Variants in CCL18 observed in about 807,000 individuals in gnomAD.
CCL18 encodes C-C motif chemokine ligand 18, also known as C-C motif chemokine 18.
CCL18 carries 7 observed loss-of-function variants against 8.0 expected under a neutral mutation model. That is an observed-to-expected ratio of 0.87 (90% CI 0.50 to 1.64). CCL18 has a LOEUF of 1.64. Ranked by LOEUF, CCL18 falls within the 40% of genes most tolerant of loss-of-function variation. The pLI, the probability that CCL18 is intolerant of heterozygous loss-of-function variation, is 0.00. For synonymous variants in CCL18, 35 were observed against 41.3 expected, an observed-to-expected ratio of 0.85 and a Z score of 0.59; for missense variants, 95 against 107.8, an observed-to-expected ratio of 0.88 and a Z score of 0.52.
chr17:36,069,996 G>C (rs1006048138), intron 1 of CCL18, among the ~76,000 whole-genome samples: 2 of 152,100 alleles, frequency 1.3e-5, no homozygotes, highest in Non-Finnish European at 2.9e-5. Context: ...CAGCAACTCT[G>C]TTCTCCACCT....
chr17:36,064,703 A>G (rs1038698921), intron 1 of CCL18, among the ~76,000 whole-genome samples: 5 of 152,176 alleles, frequency 3.3e-5, no homozygotes, highest in Non-Finnish European at 7.3e-5. Context: ...TGGTGCTGGT[A>G]AGTTTTACAA....
At position 36,070,538 on chromosome 17, in the gene CCL18, G is replaced by A. The variant is rs1184503832; in HGVS notation, c.159G>A (p.Gln53=). 2.5e-6 allele frequency: 4 copies of A among 1,612,484 alleles called. No homozygotes were observed. Among genetic ancestry groups the A allele is most frequent in the East Asian group, 4.5e-5 (2 of 44,870 alleles). ...FIVDYSETSP[Q]CPKPGVILLT... is the part of the protein sequence containing the mutation. ...TTGACTATTCTGAAACCAGCCCCCA[G>A]TGCCCCAAGCCAGGTGTCATGTAAG... The change falls in exon 2 of 3, where the codon CAG becomes CAA. Residue 53 remains glutamine, a synonymous_variant. Coordinates refer to ENST00000616054, the MANE Select transcript of CCL18 (RefSeq NM_002988.4).
At chr17:36,070,312 ATC>A in intron 1 of CCL18, 133 bp from the exon 2 acceptor site, 1 of 529,124 alleles carries the variant, frequency 1.9e-6, no homozygotes, top group Non-Finnish European at 3.4e-6. Context: ...TTCCTTCTGG[ATC>A]TCTTTGTCCC....
intron 2 of CCL18, among the ~76,000 whole-genome samples, 181 bp downstream of exon 2, chr17:36,070,739 G>A (rs1296223412): frequency 6.6e-6 from 1 of 152,240 alleles, no homozygotes; most frequent in Non-Finnish European, 1.5e-5. Context: ...CCCCTGGGCA[G>A]AGGGAAGAGA....
chr17:36,066,521 G>T (rs1362493573), intron 1 of CCL18, among the ~76,000 whole-genome samples: 1 of 152,230 alleles, frequency 6.6e-6, no homozygotes, highest in Non-Finnish European at 1.5e-5. Context: ...GATGTTAAGT[G>T]CATGGTGTCT....
intron 1 of CCL18, among the ~76,000 whole-genome samples, chr17:36,065,379 T>C (rs192309237): frequency 1.3e-4 from 20 of 152,278 alleles, no homozygotes; most frequent in Non-Finnish European, 2.6e-4. Context: ...TGGAAATGTC[T>C]TCATTTTACC....
rs746913136 is a variant in CCL18, at chr17:36,070,985, G to A, written c.214G>A (p.Asp72Asn). 7.8e-5 allele frequency: 126 copies of A among 1,613,918 alleles called. No individual in the cohort carries two copies. Among genetic ancestry groups the A allele is most frequent in the Non-Finnish European group, 1.0e-4 (119 of 1,179,910 alleles). ...CAAGAGAGGCCGGCAGATCTGTGCT[G>A]ACCCCAATAAGAAGTGGGTCCAGAA... The part of the protein sequence containing the change: ...LTKRGRQICA[D>N]PNKKWVQKYI... Residue 72 changes from aspartate to asparagine, a missense_variant, in exon 3 of 3, where the codon GAC becomes AAC. Physicochemically the swap from Asp to Asn is conservative, Grantham distance 23 (BLOSUM62 1). Transcript: ENST00000616054.
Position 36,068,328 on chromosome 17 carries a change from T to TA in CCL18, c.68-2119_68-2118insA, listed in dbSNP as rs2066847980. 7.2e-5 allele frequency among the ~76,000 whole-genome samples: 11 copies of TA among 151,862 alleles called. 1 individual carries two copies. The South Asian group carries it at 2.3e-3, about 32-fold the overall frequency. On this transcript the variant is annotated intron_variant, in intron 1 of 2. Transcript: ENST00000616054. ...GGAAAGAAATATACCAAACTGTTTT[T>TA]TAAAAAAAAAAAGTGGCTAGGTTTG...
chr17:36,068,578 A>G (rs142904832), intron 1 of CCL18, among the ~76,000 whole-genome samples: 1 of 152,358 alleles, frequency 6.6e-6, no homozygotes, highest in Non-Finnish European at 1.5e-5. Flanking sequence ...TATAGTTCAC[A>G]TAACAAATCA....
Position 36,070,538 on chromosome 17 carries a change from G to T in CCL18, c.159G>T (p.Gln53His). 6.2e-7 allele frequency: 1 copy of T among 1,612,484 alleles called. No individual in the cohort carries two copies. Among genetic ancestry groups the T allele is most frequent in the Non-Finnish European group, 8.5e-7 (1 of 1,178,482 alleles). The change falls in exon 2 of 3, where the codon CAG becomes CAT. Residue 53 changes from glutamine to histidine, a missense_variant. Coordinates refer to ENST00000616054, the MANE Select transcript of CCL18 (RefSeq NM_002988.4). ...TTGACTATTCTGAAACCAGCCCCCA[G>T]TGCCCCAAGCCAGGTGTCATGTAAG... ...FIVDYSETSP[Q>H]CPKPGVILLT...
intron 1 of CCL18, among the ~76,000 whole-genome samples, chr17:36,065,894 CT>C (rs2066834500): frequency 6.6e-6 from 1 of 152,202 alleles, no homozygotes; most frequent in Admixed American, 6.5e-5. Flanking sequence ...TGGGTAGGAA[CT>C]TCATTCAGTC....
intron 1 of CCL18, among the ~76,000 whole-genome samples, chr17:36,068,057 C>A (rs372516775): frequency 1.3e-5 from 2 of 152,082 alleles, no homozygotes. Flanking sequence ...TGAAGGTGTA[C>A]GGTAGACTAC....
intron 2 of CCL18, 55 bp downstream of exon 2, chr17:36,070,613 T>A (rs2066860634): frequency 2.7e-6 from 3 of 1,096,142 alleles, no homozygotes; most frequent in Non-Finnish European, 4.2e-6. Flanking sequence ...AGGTTTGGGG[T>A]GAGGTCCCCT....
chr17:36,068,979 C>T (rs1435253275), intron 1 of CCL18, among the ~76,000 whole-genome samples: 4 of 151,820 alleles, frequency 2.6e-5, no homozygotes, highest in Non-Finnish European at 5.9e-5. Flanking sequence ...CCTGCCTCAG[C>T]GTCCAAAGAA....
At position 36,071,644 on chromosome 17, in the gene CCL18, A is replaced by C. The variant is rs1219385421; in HGVS notation, c.*603A>C. 3 of 152,298 alleles carry C rather than the reference A, an allele frequency of 2.0e-5. No individual in the cohort carries two copies. The highest frequency in any genetic ancestry group is 7.2e-5 in the African/African-American group (3 of 41,454). 9.4% of individuals were successfully genotyped at this position (152,298 alleles called of 1,614,324 possible). On this transcript the variant is annotated 3_prime_UTR_variant, in exon 3 of 3. Transcript: ENST00000616054. ...TGGAGATACTTTCCTGAAAAGTTGA[A>C]ACAGACACCATTAGTTTATAAACCA...
intron 1 of CCL18, 59 bp from the exon 2 acceptor site, chr17:36,070,388 G>A (rs2066858975): frequency 6.0e-6 from 6 of 1,007,134 alleles, no homozygotes; most frequent in Non-Finnish European, 9.5e-6. Flanking sequence ...AAGGGACCAG[G>A]AGCAGCTGGC....
rs1337737683 is a variant in CCL18, at chr17:36,071,767, T to C, written c.*726T>C. 1 of 152,230 alleles carries C rather than the reference T, an allele frequency of 6.6e-6. No individual in the cohort carries two copies. The highest frequency in any genetic ancestry group is 2.4e-5 in the African/African-American group (1 of 41,456). The allele number at this position is 152,230 out of a possible 1,614,324, so 9.4% of individuals were successfully genotyped here. On this transcript the variant is annotated 3_prime_UTR_variant, in exon 3 of 3. Coordinates refer to ENST00000616054, the MANE Select transcript of CCL18 (RefSeq NM_002988.4). ...ACGCACACAAGCTCATTTTCATAAA[T>C]GAAGCTTTCCTCAGAATGATGGCTA...
intron 1 of CCL18, among the ~76,000 whole-genome samples, chr17:36,065,803 G>A (rs1205284488): frequency 6.6e-6 from 1 of 152,132 alleles, no homozygotes; most frequent in Non-Finnish European, 1.5e-5. Context: ...TTAAATCTCT[G>A]CCTCTGTCTT....
intron 1 of CCL18, among the ~76,000 whole-genome samples, chr17:36,069,966 T>A (rs1447219537): frequency 6.6e-6 from 1 of 152,120 alleles, no homozygotes; most frequent in Non-Finnish European, 1.5e-5. Context: ...CCGAGGAGGA[T>A]TTTTCTTCCT....
Sources: gnomAD v4.1 joint callset for allele counts (sites outside exome capture counted in the v4.1 genomes callset) on GRCh38, gnomAD v4.1.1 for gene constraint, MANE v1.5 for transcripts, NCBI Gene and HGNC (gene_info 2026-07-23, HGNC 2026-07-21) for gene names.